The following MAGEA4 variants were observed in gnomAD, a reference collection of about 807,000 sequenced individuals.
The protein encoded by MAGEA4 is melanoma-associated antigen 4.
A neutral mutation model predicts 13.7 loss-of-function variants in MAGEA4; 1 was observed. The observed-to-expected ratio is 0.07, with a 90% CI of 0.03 to 0.35. MAGEA4 has a LOEUF of 0.35. Ranked by LOEUF, MAGEA4 falls within the 10% of genes least tolerant of loss-of-function variation. The pLI, the probability that MAGEA4 is intolerant of heterozygous loss-of-function variation, is 0.99. For synonymous variants in MAGEA4, 132 were observed against 101.1 expected, an observed-to-expected ratio of 1.31 and a Z score of -1.83; for missense variants, 312 against 245.1, an observed-to-expected ratio of 1.27 and a Z score of -1.82.
At chrX:151,920,372 C>T (rs1478488810) in intron 1 of MAGEA4, among the ~76,000 whole-genome samples, 3 of 110,502 alleles carry the variant, frequency 2.7e-5, no homozygotes, top group Non-Finnish European at 5.7e-5. Context: ...TGCTTCCAGT[C>T]CTGGGCCACC....
chrX:151,921,679 C>T (rs962531954), intron 1 of MAGEA4, among the ~76,000 whole-genome samples: 4 of 112,218 alleles, frequency 3.6e-5, no homozygotes, highest in South Asian at 3.8e-4. Flanking sequence ...CAGTCAACCC[C>T]GGGAAGACCT....
rs892489387 is a variant in MAGEA4, at chrX:151,923,487, T to A, written c.-103T>A. On this transcript the variant is annotated 5_prime_UTR_variant, in exon 2 of 3. Coordinates refer to ENST00000276344, the MANE Select transcript of MAGEA4 (RefSeq NM_001011548.1). The stretch of plus-strand genomic sequence containing the variant: ...AGACAGGCCAACCGGAGGACAGGAT[T>A]CCCTGGAGGCCACAGAGGAGCACCA... The A allele has an allele frequency of 8.3e-7, 1 of 1,197,807 alleles. No homozygotes were observed. Among genetic ancestry groups the A allele is most frequent in the Admixed American group, 2.2e-5 (1 of 45,568 alleles).
chrX:151,912,598 T>G, upstream of MAGEA4: 1 of 316,025 alleles, frequency 3.2e-6, no homozygotes. Context: ...GAGCTGAGGG[T>G]TCCCCACCCC....
intron 1 of MAGEA4, chrX:151,913,434 G>A (rs1488567876): frequency 1.4e-6 from 1 of 689,797 alleles, no homozygotes; most frequent in Admixed American, 9.8e-5. Context: ...GCTGAATCGG[G>A]TTGCGCTCCC....
In MAGEA4 at chrX:151,921,557, G is replaced by A. The variant is rs781129720; in HGVS notation, c.-137-1896G>A. Among the ~76,000 whole-genome samples the A allele has an allele frequency of 2.7e-5, 3 of 112,207 alleles. No individual in the cohort carries two copies. In the Admixed American group the frequency reaches 2.8e-4, roughly 10 times the overall value. ...CAGGGCCCAGGCTCTGCCTGGCATC[G>A]GGGTCAGGACCTTGAGAGGGAACTG... On this transcript the variant is annotated intron_variant, in intron 1 of 2. Transcript: ENST00000276344.
Position 151,924,481 on chromosome X carries a change from C to A in MAGEA4, c.817C>A (p.Leu273Met). The change falls in exon 3 of 3, where the codon CTG becomes ATG. Residue 273 changes from leucine (L) to methionine (M), a missense_variant. By Grantham distance (15) the Leu-to-Met change is conservative. Transcript: ENST00000276344. The part of the protein sequence containing the change: ...PGSNPARYEF[L>M]WGPRALAETS... ...CAGTAATCCTGCGCGCTATGAGTTCCTGTGGGGTCCAAGGGCTCTGGCTGA... is the reference window on the plus strand; with the variant it reads ...CAGTAATCCTGCGCGCTATGAGTTCATGTGGGGTCCAAGGGCTCTGGCTGA... 2.5e-6 allele frequency: 3 copies of A among 1,212,046 alleles called. No homozygotes were observed. Among genetic ancestry groups the A allele is most frequent in the Non-Finnish European group, 3.3e-6 (3 of 895,602 alleles).
In MAGEA4 at chrX:151,913,451, A is replaced by C. The variant is rs1320775997; in HGVS notation, c.-138+482A>C. The C allele has an allele frequency of 7.1e-6, 5 of 706,501 alleles. No homozygotes were observed. The African/African-American group carries it at 1.4e-4, about 19-fold the overall frequency. 58.2% of individuals were successfully genotyped at this position (706,501 alleles called of 1,213,427 possible). A position where few individuals can be genotyped will look rare whatever the true frequency, so the allele number is the denominator to read the frequency against. On this transcript the variant is annotated intron_variant, in intron 1 of 2. Coordinates refer to ENST00000276344, the MANE Select transcript of MAGEA4 (RefSeq NM_001011548.1). The stretch of plus-strand genomic sequence containing the variant: ...TGAATCGGGTTGCGCTCCCTCTTTC[A>C]ACCCAAGAAAGCCCCAGGGGCCCGG...
Position 151,923,541 on chromosome X carries a change from T to C in MAGEA4, c.-66+17T>C. 8.3e-7 allele frequency: 1 copy of C among 1,208,863 alleles called. No homozygotes were observed. Among genetic ancestry groups the C allele is most frequent in the Non-Finnish European group, 1.1e-6 (1 of 894,315 alleles). On this transcript the variant is annotated intron_variant, in intron 2 of 2. Coordinates refer to ENST00000276344, the MANE Select transcript of MAGEA4 (RefSeq NM_001011548.1). ...AGAAGATCTGTAAGTAAGCCTTTGT[T>C]AGAGCCTCTAAGATTTGGTTCTCAG...
chrX:151,924,488 G>GT lies in MAGEA4; in HGVS notation c.825dup (p.Pro276SerfsTer6). On this transcript the variant is annotated frameshift_variant, in exon 3 of 3. Transcript: ENST00000276344. LOFTEE classifies it high-confidence loss of function. ...CCTGCGCGCTATGAGTTCCTGTGGGGTCCAAGGGCTCTGGCTGAAACCAGC... is the reference window on the plus strand; with the variant it reads ...CCTGCGCGCTATGAGTTCCTGTGGGGTTCCAAGGGCTCTGGCTGAAACCAGC... 8.3e-7 allele frequency: 1 copy of GT among 1,212,097 alleles called. No individual in the cohort carries two copies. Among genetic ancestry groups the GT allele is most frequent in the Admixed American group, 2.2e-5 (1 of 46,122 alleles).
chrX:151,923,610 C>T lies in MAGEA4; in HGVS notation c.-55C>T, dbSNP rs762298297. On this transcript the variant is annotated 5_prime_UTR_variant, in exon 3 of 3. Coordinates refer to ENST00000276344, the MANE Select transcript of MAGEA4 (RefSeq NM_001011548.1). ...TCCCTCTCTCCGTAGGCCTGTGGGT[C>T]CCCATTGCCCAGCTTTTGCCTGCAC... 1.2e-4 allele frequency: 151 copies of T among 1,209,104 alleles called. No homozygotes were observed. The highest frequency in any genetic ancestry group is 1.6e-4 in the Non-Finnish European group (146 of 895,045).
At chrX:151,919,490 C>T (rs771775068) in intron 1 of MAGEA4, among the ~76,000 whole-genome samples, 132 of 96,982 alleles carry the variant, frequency 1.4e-3, no homozygotes, top group Non-Finnish European at 2.5e-3. Flanking sequence ...TCAGGTTCTG[C>T]TTCCGCTTTC....
At chrX:151,918,956 G>A (rs1018158294) in intron 1 of MAGEA4, 1 of 748,878 alleles carries the variant, frequency 1.3e-6, no homozygotes, top group East Asian at 1.6e-4. Flanking sequence ...GCGCATTCGG[G>A]GTTAGAGAGA....
At chrX:151,921,388 T>C (rs752759524) in intron 1 of MAGEA4, among the ~76,000 whole-genome samples, 1 of 111,943 alleles carries the variant, frequency 8.9e-6, no homozygotes, top group East Asian at 2.8e-4. Flanking sequence ...CCACCCAAGA[T>C]AGAGGAACCC....
chrX:151,922,830 A>G (rs1933511629), intron 1 of MAGEA4, among the ~76,000 whole-genome samples: 1 of 111,164 alleles, frequency 9.0e-6, no homozygotes, highest in Non-Finnish European at 1.9e-5. Flanking sequence ...AGGTCAGTAG[A>G]GGGAGGGTCC....
At chrX:151,919,560 T>G (rs1933303019) in intron 1 of MAGEA4, 1 of 546,582 alleles carries the variant, frequency 1.8e-6, no homozygotes, top group Non-Finnish European at 2.1e-6. Flanking sequence ...CCATCCACGC[T>G]GAATCGGGTT....
At chrX:151,922,032 C>A (rs1269211498) in intron 1 of MAGEA4, among the ~76,000 whole-genome samples, 1 of 111,266 alleles carries the variant, frequency 9.0e-6, no homozygotes, top group East Asian at 2.9e-4. Context: ...CTGGGAGGTC[C>A]TGGGCAAGGT....
intron 1 of MAGEA4, among the ~76,000 whole-genome samples, chrX:151,920,358 C>T (rs1314181696): frequency 3.6e-5 from 4 of 110,333 alleles, no homozygotes; most frequent in Non-Finnish European, 5.7e-5. Context: ...TCCGGCACCC[C>T]TCCTGCTTCC....
In MAGEA4 at chrX:151,924,666, T is replaced by G; in HGVS notation, c.*48T>G. On this transcript the variant is annotated 3_prime_UTR_variant, in exon 3 of 3. Coordinates refer to ENST00000276344, the MANE Select transcript of MAGEA4 (RefSeq NM_001011548.1). Reference sequence around the variant, plus strand: ...TGGGGAAGGGGCAGGGCTGGGCCAGTGCATCTAACAGCCCTGTGCAGCAGC... The same window carrying G: ...TGGGGAAGGGGCAGGGCTGGGCCAGGGCATCTAACAGCCCTGTGCAGCAGC... 1 of 1,129,495 alleles carries G rather than the reference T, an allele frequency of 8.9e-7. No homozygotes were observed. Among genetic ancestry groups the G allele is most frequent in the Non-Finnish European group, 1.2e-6 (1 of 847,996 alleles). The allele number at this position is 1,129,495 out of a possible 1,213,427, so 93.1% of individuals were successfully genotyped here.
Position 151,924,615 on chromosome X carries a change from CTG to C in MAGEA4, c.952_953del (p.Ter318SerfsTer19), listed in dbSNP as rs768537377. 131 of 1,182,085 alleles carry C rather than the reference CTG, an allele frequency of 1.1e-4. 1 individual carries two copies. The Middle Eastern group carries it at 7.7e-3, about 69-fold the overall frequency. Reference sequence around the variant, plus strand: ...CTTTGTTAGAGGAGGAAGAGGGAGTCTGAGCATGAGTTGCAGCCAGGGCTGTG... The same window carrying C: ...CTTTGTTAGAGGAGGAAGAGGGAGTCAGCATGAGTTGCAGCCAGGGCTGTG... ...AALLEEEEGV[*>X] is the part of the protein sequence containing the mutation. On this transcript the variant is annotated frameshift_variant and stop_lost, in exon 3 of 3. Transcript: ENST00000276344. LOFTEE classifies it high-confidence loss of function.
Sources: allele counts gnomAD v4.1 joint callset (sites outside exome capture counted in the v4.1 genomes callset), GRCh38; gene constraint gnomAD v4.1.1; transcripts MANE v1.5; gene names NCBI Gene and HGNC (gene_info 2026-07-23, HGNC 2026-07-21).